Variants in NUP93 observed in about 807,000 individuals in gnomAD.
NUP93 encodes nuclear pore complex protein Nup93.
NUP93 carries 55 observed loss-of-function variants against 107.8 expected under a neutral mutation model. That is an observed-to-expected ratio of 0.51 (90% CI 0.41 to 0.64). The LOEUF (loss-of-function observed/expected upper bound fraction) is 0.64, where lower values mean the gene tolerates loss of function less well. NUP93 is among the 30% of genes least tolerant of loss of function. NUP93 has a pLI of 0.00. For missense variants in NUP93, 937 were observed against 1,044.7 expected (o/e 0.90, Z 1.42); for synonymous variants, 390 against 397.5 (o/e 0.98, Z 0.22).
At chr16:56,844,057 C>T (rs1227675225) in intron 21 of NUP93, among the ~76,000 whole-genome samples, 4 of 152,216 alleles carry the variant, frequency 2.6e-5, no homozygotes, top group Non-Finnish European at 5.9e-5. Flanking sequence ...TGCACAGTCA[C>T]AGCCCTTGCC....
intron 15 of NUP93, 104 bp downstream of exon 15, chr16:56,834,546 C>A: frequency 7.8e-7 from 1 of 1,274,214 alleles, no homozygotes; most frequent in Non-Finnish European, 1.1e-6. Flanking sequence ...GTGGATAAGG[C>A]CTAGGGAGTT....
Position 56,832,833 on chromosome 16 carries a change from G to A in NUP93, c.1346-382G>A, listed in dbSNP as rs190397281. Among the ~76,000 whole-genome samples the A allele has an allele frequency of 2.7e-3, 406 of 152,300 alleles. 2 individuals carry two copies. The highest frequency in any genetic ancestry group is 9.0e-3 in the African/African-American group (376 of 41,580). On this transcript the variant is annotated intron_variant, in intron 12 of 21. Coordinates refer to ENST00000308159, the MANE Select transcript of NUP93 (RefSeq NM_014669.5). Reference sequence around the variant, plus strand: ...GTTGCATTCAGATTTCTGTGACTGTGAGTAAACTGAAACTCCTTTGAAATC... The same window carrying A: ...GTTGCATTCAGATTTCTGTGACTGTAAGTAAACTGAAACTCCTTTGAAATC...
At chr16:56,747,173 A>G (rs546886076) in intron 1 of NUP93, among the ~76,000 whole-genome samples, 2 of 151,918 alleles carry the variant, frequency 1.3e-5, no homozygotes, top group South Asian at 4.2e-4. Flanking sequence ...TAATTTTTGT[A>G]TTTGTAGTAG....
Position 56,848,159 on chromosome 16 carries a change from C to T in NUP93, c.*3550C>T, listed in dbSNP as rs1381804094. ...TTCATTAGGTGGTTCACATCACTTGCCAAATTTCCAGCATGCCACTCAGGA... is the reference window on the plus strand; with the variant it reads ...TTCATTAGGTGGTTCACATCACTTGTCAAATTTCCAGCATGCCACTCAGGA... On this transcript the variant is annotated 3_prime_UTR_variant, in exon 22 of 22. Transcript: ENST00000308159. The T allele has an allele frequency of 6.6e-6, 1 of 152,196 alleles. No homozygotes were observed. The highest frequency in any genetic ancestry group is 2.4e-5 in the African/African-American group (1 of 41,438). 9.4% of individuals were successfully genotyped at this position (152,196 alleles called of 1,614,324 possible).
At chr16:56,837,435 T>G (rs929038333) in intron 17 of NUP93, among the ~76,000 whole-genome samples, 173 bp from the exon 18 acceptor site, 5 of 152,192 alleles carry the variant, frequency 3.3e-5, no homozygotes, top group African/African-American at 1.2e-4. Flanking sequence ...TAGTGGTGCA[T>G]GCCTGTAATC....
intron 5 of NUP93, among the ~76,000 whole-genome samples, chr16:56,812,481 C>G (rs1189232103): frequency 1.3e-5 from 2 of 152,060 alleles, no homozygotes; most frequent in Non-Finnish European, 2.9e-5. Flanking sequence ...ATAGCTGGGA[C>G]TACAGGCGCC....
intron 1 of NUP93, among the ~76,000 whole-genome samples, chr16:56,736,705 G>A (rs571089094): frequency 8.5e-5 from 13 of 152,300 alleles, no homozygotes; most frequent in Non-Finnish European, 1.3e-4. Context: ...ATGCACCAGT[G>A]GTGCCTGGAA....
chr16:56,768,431 CG>C (rs1962254008), intron 3 of NUP93, among the ~76,000 whole-genome samples: 1 of 151,930 alleles, frequency 6.6e-6, no homozygotes, highest in Non-Finnish European at 1.5e-5. Context: ...GGCGTGGTGG[CG>C]CATGCCTGTA....
At chr16:56,768,456 G>A (rs937670596) in intron 3 of NUP93, among the ~76,000 whole-genome samples, 1 of 152,034 alleles carries the variant, frequency 6.6e-6, no homozygotes, top group African/African-American at 2.4e-5. Context: ...CTAGCTACTC[G>A]GGAGGCTGAG....
rs377594947 is a variant in NUP93, at chr16:56,773,077, C to T, written c.297+14422C>T. On this transcript the variant is annotated intron_variant, in intron 3 of 21. Transcript: ENST00000308159. ...TTGTGTGGTGAGAGCAGAGTAGACA[C>T]AGTTTGAATTGGTTTTTCCTCACAA... Among the ~76,000 whole-genome samples the T allele has an allele frequency of 2.6e-5, 4 of 152,306 alleles. No homozygotes were observed. The East Asian group carries it at 5.8e-4, about 22-fold the overall frequency.
At chr16:56,784,414 A>C (rs141583505) in intron 3 of NUP93, among the ~76,000 whole-genome samples, 59 of 152,270 alleles carry the variant, frequency 3.9e-4, no homozygotes, top group African/African-American at 1.1e-3. Context: ...TGAGGCTTTC[A>C]CTCTCACTCA....
intron 3 of NUP93, among the ~76,000 whole-genome samples, chr16:56,770,555 C>G (rs1324212403): frequency 2.6e-5 from 4 of 152,202 alleles, no homozygotes; most frequent in African/African-American, 9.7e-5. Context: ...GATGGACTTA[C>G]TTCAGAAAAT....
intron 4 of NUP93, among the ~76,000 whole-genome samples, chr16:56,800,400 A>G (rs533686979): frequency 1.8e-4 from 28 of 152,340 alleles, no homozygotes; most frequent in Non-Finnish European, 2.8e-4. Flanking sequence ...ACCAAGCTTT[A>G]TTAATCCATT....
chr16:56,820,159 C>T (rs979522982), intron 6 of NUP93, among the ~76,000 whole-genome samples: 3 of 152,150 alleles, frequency 2.0e-5, no homozygotes, highest in Admixed American at 6.5e-5. Flanking sequence ...CATACAACAC[C>T]GTAATATTGT....
intron 2 of NUP93, among the ~76,000 whole-genome samples, chr16:56,750,921 G>A (rs1210588824): frequency 1.3e-5 from 2 of 152,132 alleles, no homozygotes; most frequent in African/African-American, 4.8e-5. Context: ...CACTTTGGGA[G>A]GCTGAGGCAG....
chr16:56,752,998 T>C (rs1165134317), intron 2 of NUP93, among the ~76,000 whole-genome samples: 1 of 152,136 alleles, frequency 6.6e-6, no homozygotes, highest in Non-Finnish European at 1.5e-5. Flanking sequence ...AAAGATGAGA[T>C]TATTTGATCA....
chr16:56,761,281 C>T (rs913379260), intron 3 of NUP93, among the ~76,000 whole-genome samples: 6 of 152,164 alleles, frequency 3.9e-5, no homozygotes, highest in African/African-American at 1.4e-4. Flanking sequence ...TTCCTATACA[C>T]GTATCCTTCC....
At chr16:56,800,820 G>C (rs1347697377) in intron 4 of NUP93, among the ~76,000 whole-genome samples, 2 of 152,322 alleles carry the variant, frequency 1.3e-5, no homozygotes, top group Middle Eastern at 3.4e-3. Context: ...CTAAAAGCCA[G>C]CAACAGTGCA....
At chr16:56,813,797 C>A (rs1192887546) in intron 5 of NUP93, among the ~76,000 whole-genome samples, 1 of 152,132 alleles carries the variant, frequency 6.6e-6, no homozygotes, top group African/African-American at 2.4e-5. Flanking sequence ...ACAACTTCTC[C>A]TAGGTTAATA....
Sources: gnomAD v4.1 joint callset for allele counts (sites outside exome capture counted in the v4.1 genomes callset) on GRCh38, gnomAD v4.1.1 for gene constraint, MANE v1.5 for transcripts, NCBI Gene and HGNC (gene_info 2026-07-23, HGNC 2026-07-21) for gene names.